AHDC1: variants seen among roughly 807,000 people sequenced by gnomAD.
The protein encoded by AHDC1 is AT-hook DNA binding motif containing 1, also known as transcription factor Gibbin.
A neutral mutation model predicts 87.9 loss-of-function variants in AHDC1; 7 were observed. That is an observed-to-expected ratio of 0.08 (90% CI 0.05 to 0.15). The LOEUF is 0.15. Ranked by LOEUF, AHDC1 falls within the 10% of genes least tolerant of loss-of-function variation. The pLI is 1.00. For synonymous variants in AHDC1, 1,051 were observed against 1,006.8 expected, an observed-to-expected ratio of 1.04 and a Z score of -0.83; for missense variants, 1,841 against 2,253.2, an observed-to-expected ratio of 0.82 and a Z score of 3.70.
Position 27,551,986 on chromosome 1 carries a change from G to T in AHDC1, c.130C>A (p.Pro44Thr). 1 of 1,473,014 alleles carries T rather than the reference G, an allele frequency of 6.8e-7. No homozygotes were observed. Among genetic ancestry groups the T allele is most frequent in the East Asian group, 2.5e-5 (1 of 40,798 alleles). 91.2% of individuals were successfully genotyped at this position (1,473,014 alleles called of 1,614,324 possible). ...TPRPLLPTRP[P>T]ASPPDKAFST... is the part of the protein sequence containing the mutation. ...AAGGCCTTGTCAGGTGGGCTGGCAG[G>T]GGGCCGGGTGGGAAGCAGGGGCCGG... The change falls in exon 8 of 9, where the codon CCT becomes ACT. Residue 44 changes from proline (P) to threonine (T), a missense_variant. Around this residue, in one of 13 missense-constraint regions of AHDC1, gnomAD observed 142 missense variants for 165.6 expected, o/e 0.86. Coordinates refer to ENST00000673934, the MANE Select transcript of AHDC1 (RefSeq NM_001371928.1).
At chr1:27,583,148 G>A (rs1368152252) in intron 3 of AHDC1, among the ~76,000 whole-genome samples, 2 of 152,140 alleles carry the variant, frequency 1.3e-5, no homozygotes, top group African/African-American at 4.8e-5. Context: ...GATTACAGGC[G>A]TGAGCCACCA....
chr1:27,564,651 G>T (rs2020240857), intron 3 of AHDC1, among the ~76,000 whole-genome samples: 1 of 152,218 alleles, frequency 6.6e-6, no homozygotes, highest in Admixed American at 6.5e-5. Context: ...GAGGTCAAGT[G>T]TGGAGGGGGA....
chr1:27,571,079 C>G (rs1197551275), intron 3 of AHDC1, among the ~76,000 whole-genome samples: 5 of 152,172 alleles, frequency 3.3e-5, no homozygotes, highest in Non-Finnish European at 7.3e-5. Flanking sequence ...GAAGAAAAGG[C>G]AGGGTACTCT....
rs1294938485 is a variant in AHDC1 at position 27,563,438 on chromosome 1, A to G, written c.-628-4555T>C. On this transcript the variant is annotated intron_variant, in intron 3 of 8. Coordinates refer to ENST00000673934, the MANE Select transcript of AHDC1 (RefSeq NM_001371928.1). The surrounding 1 kb of genome is among the most constrained non-coding windows in gnomAD (Gnocchi z 6.1). The stretch of plus-strand genomic sequence containing the variant: ...CTCCACCCACCACACAGCATGAGGC[A>G]GGGACATAACCTCGCCCCTGCCTGG... 6.6e-6 allele frequency among the ~76,000 whole-genome samples: 1 copy of G among 152,226 alleles called. No individual in the cohort carries two copies. Among genetic ancestry groups the G allele is most frequent in the Non-Finnish European group, 1.5e-5 (1 of 68,044 alleles).
chr1:27,593,165 T>C lies in AHDC1; in HGVS notation c.-629+10232A>G, dbSNP rs1051562687. Among the ~76,000 whole-genome samples the C allele has an allele frequency of 4.9e-4, 74 of 151,954 alleles. No homozygotes were observed. The highest frequency in any genetic ancestry group is 1.8e-3 in the African/African-American group (73 of 41,466). Reference sequence around the variant, plus strand: ...AAGGCCCCTAGGGTCCCGGGCTCCCTCCAGGGCTGGCTGGGGCAGGGGCTG... The same window carrying C: ...AAGGCCCCTAGGGTCCCGGGCTCCCCCCAGGGCTGGCTGGGGCAGGGGCTG... On this transcript the variant is annotated intron_variant, in intron 3 of 8. Transcript: ENST00000673934. The surrounding 1 kb of genome is among the most constrained non-coding windows in gnomAD (Gnocchi z 4.9).
intron 3 of AHDC1, among the ~76,000 whole-genome samples, chr1:27,601,469 G>A (rs1159534184): frequency 2.6e-5 from 4 of 152,258 alleles, no homozygotes; most frequent in African/African-American, 9.6e-5. Flanking sequence ...GTCCCCCAAA[G>A]CTTATGCCCT....
intron 3 of AHDC1, among the ~76,000 whole-genome samples, chr1:27,575,129 G>A (rs1303720366): frequency 1.3e-5 from 2 of 152,202 alleles, no homozygotes; most frequent in Non-Finnish European, 2.9e-5. Context: ...CCAGTCCGCA[G>A]GCCCAGCACT....
chr1:27,546,797 C>G (rs1024604211), intron 8 of AHDC1, among the ~76,000 whole-genome samples: 1 of 152,188 alleles, frequency 6.6e-6, no homozygotes, highest in Admixed American at 6.5e-5. Context: ...AATGGGGGTG[C>G]CAGCAGGGCT....
intron 3 of AHDC1, among the ~76,000 whole-genome samples, chr1:27,564,246 G>A (rs897318631): frequency 4.6e-5 from 7 of 152,256 alleles, no homozygotes; most frequent in African/African-American, 1.7e-4. Context: ...GGCCAAGCTG[G>A]GTGACCTTGG....
chr1:27,548,873 TGCAGAGGTG>T lies in AHDC1; in HGVS notation c.3234_3242del (p.Thr1079_Ala1081del), dbSNP rs754444655. On this transcript the variant is annotated inframe_deletion, in exon 8 of 9. Coordinates refer to ENST00000673934, the MANE Select transcript of AHDC1 (RefSeq NM_001371928.1). ...AGGAGGAGGAGGAGGCGGCAGAGGCTGCAGAGGTGGCAGAGGCTGTGGTGCCCTTGGGTA... is the reference window on the plus strand; with the variant it reads ...AGGAGGAGGAGGAGGCGGCAGAGGCTGCAGAGGCTGTGGTGCCCTTGGGTA... 7.2e-4 allele frequency: 1,163 copies of T among 1,612,170 alleles called. No individual in the cohort carries two copies. The highest frequency in any genetic ancestry group is 1.2e-3 in the Middle Eastern group (7 of 6,056).
Position 27,549,954 on chromosome 1 carries a change from C to A in AHDC1, c.2162G>T (p.Gly721Val), listed in dbSNP as rs1487738711. 6.2e-7 allele frequency: 1 copy of A among 1,612,884 alleles called. No individual in the cohort carries two copies. The highest frequency in any genetic ancestry group is 8.5e-7 in the Non-Finnish European group (1 of 1,179,514). Reference protein sequence around the residue: ...GVGGPGLTELGHPRKRGRGEV... With the variant: ...GVGGPGLTELVHPRKRGRGEV... ...CCCCCGGCCCCGTTTGCGTGGGTGC[C>A]CCAACTCAGTAAGGCCCGGGCCCCC... Residue 721 changes from glycine (G) to valine (V), a missense_variant, in exon 8 of 9, where the codon GGG (glycine) becomes GTG (valine). Around this residue, in one of 13 missense-constraint regions of AHDC1, gnomAD observed 236 missense variants for 257.9 expected, o/e 0.92. Coordinates refer to ENST00000673934, the MANE Select transcript of AHDC1 (RefSeq NM_001371928.1).
At chr1:27,603,025 T>C (rs948055606) in intron 3 of AHDC1, among the ~76,000 whole-genome samples, 3 of 118,838 alleles carry the variant, frequency 2.5e-5, no homozygotes, top group African/African-American at 6.5e-5. Context: ...GGAGAGCAAA[T>C]TGCAGTTTTA....
In AHDC1 at chr1:27,565,926, T is replaced by C. The variant is rs1207379019; in HGVS notation, c.-628-7043A>G. 6.6e-6 allele frequency among the ~76,000 whole-genome samples: 1 copy of C among 152,194 alleles called. No homozygotes were observed. Among genetic ancestry groups the C allele is most frequent in the Non-Finnish European group, 1.5e-5 (1 of 68,026 alleles). On this transcript the variant is annotated intron_variant, in intron 3 of 8. Transcript: ENST00000673934. The surrounding 1 kb of genome is among the most constrained non-coding windows in gnomAD (Gnocchi z 4.6). ...TTGTTTCCTGGTGCCACACTCTCTG[T>C]AGGCTCTTCAACCTTGCACCCTCCA...
intron 3 of AHDC1, among the ~76,000 whole-genome samples, chr1:27,567,853 A>T (rs1027822427): frequency 1.3e-5 from 2 of 152,204 alleles, no homozygotes; most frequent in African/African-American, 4.8e-5. Flanking sequence ...AGAGGAAGGT[A>T]GGCCTAGGGC....
rs774212366 is a variant in AHDC1 at position 27,550,165 on chromosome 1, C to T, written c.1951G>A (p.Asp651Asn). 1.2e-5 allele frequency: 19 copies of T among 1,611,252 alleles called. No individual in the cohort carries two copies. In the South Asian group the frequency reaches 1.3e-4, roughly 11 times the overall value. ...SEPESVHQAP[D>N]TQSISHFLHR... is the part of the protein sequence containing the mutation. ...AGGAAGTGGGAGATGCTCTGGGTGT[C>T]GGGGGCCTGGTGCACCGACTCCGGC... Residue 651 changes from aspartate to asparagine, a missense_variant, in exon 8 of 9, where the codon GAC becomes AAC. Around this residue, in one of 13 missense-constraint regions of AHDC1, gnomAD observed 236 missense variants for 257.9 expected, o/e 0.92. Coordinates refer to ENST00000673934, the MANE Select transcript of AHDC1 (RefSeq NM_001371928.1).
At chr1:27,571,343 T>C (rs1399671532) in intron 3 of AHDC1, among the ~76,000 whole-genome samples, 1 of 152,100 alleles carries the variant, frequency 6.6e-6, no homozygotes. Context: ...AATACAACCC[T>C]GCCCTGGGGA....
chr1:27,593,302 C>G lies in AHDC1; in HGVS notation c.-629+10095G>C, dbSNP rs951546387. 1.3e-5 allele frequency among the ~76,000 whole-genome samples: 2 copies of G among 152,134 alleles called. No individual in the cohort carries two copies. The highest frequency in any genetic ancestry group is 4.8e-5 in the African/African-American group (2 of 41,420). ...CCCGCTCCACAGGGTTCCAGAGACCCTCCTGCCTGCAGCAATCTTTAAAAT... is the reference window on the plus strand; with the variant it reads ...CCCGCTCCACAGGGTTCCAGAGACCGTCCTGCCTGCAGCAATCTTTAAAAT... On this transcript the variant is annotated intron_variant, in intron 3 of 8. Coordinates refer to ENST00000673934, the MANE Select transcript of AHDC1 (RefSeq NM_001371928.1). This position sits in a 1 kb window ranked among gnomAD's most constrained non-coding sequence, Gnocchi z 4.9.
In AHDC1 at chr1:27,547,637, G is replaced by C; in HGVS notation, c.4479C>G (p.Gly1493=). The C allele has an allele frequency of 1.3e-6, 2 of 1,599,430 alleles. No individual in the cohort carries two copies. Among genetic ancestry groups the C allele is most frequent in the Non-Finnish European group, 1.7e-6 (2 of 1,173,782 alleles). The change falls in exon 8 of 9, where the codon GGC becomes GGG. Residue 1493 remains glycine, a synonymous_variant. Transcript: ENST00000673934. This position sits in a 1 kb window ranked among gnomAD's most constrained non-coding sequence, Gnocchi z 4.9. The stretch of plus-strand genomic sequence containing the variant: ...CACTGAGGCACGCGGCCTCCGTCCT[G>C]CCCAGGAAGTCAGCCAGCAGCCCTG... The part of the protein sequence containing the change: ...VGTGLLADFL[G]RTEAACLSAP...
At position 27,574,080 on chromosome 1, in the gene AHDC1, G is replaced by T. The variant is rs150463927; in HGVS notation, c.-628-15197C>A. ...CCGAGGCATCTGAATTTGAATCTGG[G>T]TATCTGGCAGTGATGGAGTGAAAGG... On this transcript the variant is annotated intron_variant, in intron 3 of 8. Transcript: ENST00000673934. Among the ~76,000 whole-genome samples the T allele has an allele frequency of 2.0e-3, 298 of 152,316 alleles. 1 individual carries two copies. The highest frequency in any genetic ancestry group is 6.7e-3 in the African/African-American group (277 of 41,562).
Sources: allele counts gnomAD v4.1 joint callset (sites outside exome capture counted in the v4.1 genomes callset), GRCh38; gene constraint gnomAD v4.1.1; regional missense constraint gnomAD v4.1.1; non-coding constraint Gnocchi (gnomAD v3.1); transcripts MANE v1.5; gene names NCBI Gene and HGNC (gene_info 2026-07-23, HGNC 2026-07-21).